Variants in BCAS3 observed in about 807,000 individuals in gnomAD.
The protein encoded by BCAS3 is BCAS3 microtubule associated cell migration factor.
BCAS3 carries 53 observed loss-of-function variants against 116.1 expected under a neutral mutation model. That is an observed-to-expected ratio of 0.46 (90% CI 0.37 to 0.57). BCAS3 has a LOEUF of 0.57. BCAS3 is among the 20% of genes least tolerant of loss of function. The pLI is 0.00. For missense variants in BCAS3, 917 were observed against 1,165.4 expected, an observed-to-expected ratio of 0.79 and a Z score of 3.10; for synonymous variants, 391 against 408.2, an observed-to-expected ratio of 0.96 and a Z score of 0.51.
chr17:61,197,183 C>T (rs765860058), intron 22 of BCAS3, among the ~76,000 whole-genome samples: 5 of 152,280 alleles, frequency 3.3e-5, no homozygotes, highest in Non-Finnish European at 7.4e-5. Context: ...GACTTTCAAA[C>T]TCTTCCAAGA....
At chr17:61,353,879 T>G (rs1602988294) in intron 22 of BCAS3, 1 of 152,172 alleles carries the variant, frequency 6.6e-6, no homozygotes, top group African/African-American at 2.4e-5. Context: ...TGGAACAGGC[T>G]CCGAACACAC....
intron 23 of BCAS3, among the ~76,000 whole-genome samples, chr17:61,375,895 C>T (rs2059315901): frequency 6.6e-6 from 1 of 152,212 alleles, no homozygotes; most frequent in Admixed American, 6.5e-5. Context: ...GCCATCCCTA[C>T]TCTCTGGTCA....
rs769388527 is a variant in BCAS3, at chr17:61,098,183, G to C, written c.2425+13619G>C. 6.6e-6 allele frequency among the ~76,000 whole-genome samples: 1 copy of C among 152,182 alleles called. No individual in the cohort carries two copies. Among genetic ancestry groups the C allele is most frequent in the African/African-American group, 2.4e-5 (1 of 41,452 alleles). On this transcript the variant is annotated intron_variant, in intron 22 of 23. Coordinates refer to ENST00000407086, the MANE Select transcript of BCAS3 (RefSeq NM_017679.5). This position sits in a 1 kb window ranked among gnomAD's most constrained non-coding sequence, Gnocchi z 4.2. Reference sequence around the variant, plus strand: ...AGAGAGGTAATCAATATGGTCTAGAGTTCTTGACCTGAACCTGTAATTACT... The same window carrying C: ...AGAGAGGTAATCAATATGGTCTAGACTTCTTGACCTGAACCTGTAATTACT...
At chr17:61,182,333 G>GT (rs1361968158) in intron 22 of BCAS3, among the ~76,000 whole-genome samples, 3 of 151,686 alleles carry the variant, frequency 2.0e-5, no homozygotes, top group Non-Finnish European at 4.4e-5. Flanking sequence ...TGTGATAACG[G>GT]TTTTTTTTAA....
intron 22 of BCAS3, among the ~76,000 whole-genome samples, chr17:61,245,826 G>A (rs2047896431): frequency 6.6e-6 from 1 of 152,138 alleles, no homozygotes; most frequent in Non-Finnish European, 1.5e-5. Flanking sequence ...AAAAGAGATT[G>A]TTGTTGAGTG....
chr17:60,710,984 A>G (rs571382859), intron 5 of BCAS3, among the ~76,000 whole-genome samples: 7 of 151,116 alleles, frequency 4.6e-5, no homozygotes, highest in Non-Finnish European at 8.9e-5. Context: ...TAACACTTTA[A>G]TGGAGACAGG....
chr17:60,738,949 A>G (rs2041249495), intron 5 of BCAS3, among the ~76,000 whole-genome samples: 1 of 151,350 alleles, frequency 6.6e-6, no homozygotes, highest in Admixed American at 6.6e-5. Flanking sequence ...TTCTTTTTTT[A>G]TCTTTCATAC....
rs967499629 is a variant in BCAS3 at position 61,068,516 on chromosome 17, A to G, written c.2030-6404A>G. Among the ~76,000 whole-genome samples, 5 of 152,226 alleles carry G rather than the reference A, an allele frequency of 3.3e-5. No individual in the cohort carries two copies. The East Asian group carries it at 7.7e-4, about 23-fold the overall frequency. On this transcript the variant is annotated intron_variant, in intron 19 of 23. Transcript: ENST00000407086. The surrounding 1 kb of genome is among the most constrained non-coding windows in gnomAD (Gnocchi z 4.3). ...TGGACTATGTCCATATTATTCTTGT[A>G]CATGTATGAAACATTCTTCTCCTCT...
At chr17:60,975,291 G>A (rs2062260386) in intron 14 of BCAS3, among the ~76,000 whole-genome samples, 1 of 152,140 alleles carries the variant, frequency 6.6e-6, no homozygotes, top group Non-Finnish European at 1.5e-5. Flanking sequence ...GTGAGCCACC[G>A]CGCCCGGCCT....
At position 61,204,804 on chromosome 17, in the gene BCAS3, C is replaced by T. The variant is rs1238506136; in HGVS notation, c.2425+120240C>T. Among the ~76,000 whole-genome samples the T allele has an allele frequency of 6.6e-6, 1 of 152,110 alleles. No individual in the cohort carries two copies. The highest frequency in any genetic ancestry group is 1.5e-5 in the Non-Finnish European group (1 of 68,022). ...TGGTGGCTCATGTCTGTAATCCAAG[C>T]ACTTTAGGAGGCTGAGGCACGCAGA... is the stretch of plus-strand genomic sequence containing the variant. On this transcript the variant is annotated intron_variant, in intron 22 of 23. Transcript: ENST00000407086. This position sits in a 1 kb window ranked among gnomAD's most constrained non-coding sequence, Gnocchi z 4.2.
Position 60,910,629 on chromosome 17 carries a change from G to A in BCAS3, c.920G>A (p.Ser307Asn), listed in dbSNP as rs773377947. 1.2e-6 allele frequency: 2 copies of A among 1,613,434 alleles called. No homozygotes were observed. The highest frequency in any genetic ancestry group is 1.3e-5 in the African/African-American group (1 of 74,856). The part of the protein sequence containing the change: ...GVTEDDVAIH[S>N]NSRRSPLVPG... ...ACAGAAGATGATGTTGCCATCCACA[G>A]TAATTCACGGCGGAGTCCTTTGGTC... Residue 307 changes from serine to asparagine, a missense_variant, in exon 12 of 24, where the codon AGT becomes AAT. Coordinates refer to ENST00000407086, the MANE Select transcript of BCAS3 (RefSeq NM_017679.5).
chr17:61,288,119 C>G (rs115354263), intron 22 of BCAS3, among the ~76,000 whole-genome samples: 23 of 152,320 alleles, frequency 1.5e-4, no homozygotes, highest in African/African-American at 5.1e-4. Context: ...GCAAGTCACT[C>G]CCTGTCTCTG....
chr17:60,930,709 CA>C (rs1279725110), intron 13 of BCAS3, among the ~76,000 whole-genome samples: 3 of 152,162 alleles, frequency 2.0e-5, no homozygotes, highest in Non-Finnish European at 4.4e-5. Context: ...CCGCCTGCCT[CA>C]GCCTCCCAAA....
At chr17:61,157,802 A>G (rs1006145493) in intron 22 of BCAS3, among the ~76,000 whole-genome samples, 2 of 151,690 alleles carry the variant, frequency 1.3e-5, no homozygotes, top group African/African-American at 4.8e-5. Flanking sequence ...CTCCTAAACA[A>G]CTCCCTTGGT....
intron 15 of BCAS3, among the ~76,000 whole-genome samples, chr17:61,003,122 T>C (rs1471793049): frequency 6.6e-6 from 1 of 151,944 alleles, no homozygotes; most frequent in Non-Finnish European, 1.5e-5. Flanking sequence ...TCCTATTACT[T>C]GAATAATGTA....
Position 61,300,981 on chromosome 17 carries a change from A to G in BCAS3, c.2426-67346A>G, listed in dbSNP as rs1261979699. Among the ~76,000 whole-genome samples, 4 of 152,228 alleles carry G rather than the reference A, an allele frequency of 2.6e-5. No homozygotes were observed. The East Asian group carries it at 7.7e-4, about 29-fold the overall frequency. ...AATAAATAAAGTGTGTAGGAACATA[A>G]TTACCAAAATATTTTAAATGCCCAC... On this transcript the variant is annotated intron_variant, in intron 22 of 23. Coordinates refer to ENST00000407086, the MANE Select transcript of BCAS3 (RefSeq NM_017679.5). The surrounding 1 kb of genome is among the most constrained non-coding windows in gnomAD (Gnocchi z 5.1).
Position 60,689,683 on chromosome 17 carries a change from C to T in BCAS3, c.139-3C>T. On this transcript the variant is annotated splice_polypyrimidine_tract_variant and splice_region_variant and intron_variant, in intron 3 of 23. Coordinates refer to ENST00000407086, the MANE Select transcript of BCAS3 (RefSeq NM_017679.5). ...TATTCAAATGTTTCTGTTTACTATGCAGGCTTACAGTGGAACACCTCTAAC... is the reference window on the plus strand; with the variant it reads ...TATTCAAATGTTTCTGTTTACTATGTAGGCTTACAGTGGAACACCTCTAAC... 6.3e-7 allele frequency: 1 copy of T among 1,582,456 alleles called. No individual in the cohort carries two copies. Among genetic ancestry groups the T allele is most frequent in the Non-Finnish European group, 8.6e-7 (1 of 1,156,504 alleles).
intron 14 of BCAS3, among the ~76,000 whole-genome samples, chr17:60,972,505 G>A (rs908926591): frequency 1.4e-5 from 2 of 139,784 alleles, no homozygotes; most frequent in African/African-American, 2.7e-5. Context: ...CTAGAGTGTA[G>A]TAGTGCAATC....
intron 22 of BCAS3, among the ~76,000 whole-genome samples, chr17:61,150,424 T>C (rs981938062): frequency 6.6e-6 from 1 of 152,198 alleles, no homozygotes; most frequent in Non-Finnish European, 1.5e-5. Flanking sequence ...TAAGCTTATT[T>C]ATGACTTACT....
Sources: gnomAD v4.1 joint callset for allele counts (sites outside exome capture counted in the v4.1 genomes callset) on GRCh38, gnomAD v4.1.1 for gene constraint, Gnocchi (gnomAD v3.1) non-coding constraint, MANE v1.5 for transcripts, NCBI Gene and HGNC (gene_info 2026-07-23, HGNC 2026-07-21) for gene names.